The following CACNA2D1 variants were observed in gnomAD, a reference collection of about 807,000 sequenced individuals.
CACNA2D1 encodes the protein calcium voltage-gated channel auxiliary subunit alpha2delta 1.
In CACNA2D1, 53 loss-of-function variants were observed where a neutral mutation model predicts 171.5. That is an observed-to-expected ratio of 0.31 (90% confidence interval 0.25 to 0.39). The LOEUF (loss-of-function observed/expected upper bound fraction) is 0.39. Among genes scored for constraint, CACNA2D1 ranks in the 10% least tolerant of loss-of-function variants. The pLI, the probability that CACNA2D1 is intolerant of heterozygous loss-of-function variation, is 1.00. For missense variants in CACNA2D1, 903 were observed against 1,299.8 expected (o/e 0.69, Z 4.69); for synonymous variants, 442 against 443.1 (o/e 1.00, Z 0.03).
intron 3 of CACNA2D1, among the ~76,000 whole-genome samples, chr7:82,217,860 T>C (rs575007355): frequency 6.9e-6 from 1 of 144,368 alleles, no homozygotes; most frequent in Non-Finnish European, 1.5e-5. Context: ...TGTACTGAAA[T>C]TTTTTTTTTT....
At chr7:81,953,616 C>T (rs1024942933) in intron 38 of CACNA2D1, among the ~76,000 whole-genome samples, 24 of 151,526 alleles carry the variant, frequency 1.6e-4, no homozygotes, top group African/African-American at 5.8e-4. Flanking sequence ...TGGCTAGATA[C>T]ATAGCAACGA....
At chr7:82,310,648 A>G (rs1814339359) in intron 3 of CACNA2D1, among the ~76,000 whole-genome samples, 3 of 152,084 alleles carry the variant, frequency 2.0e-5, no homozygotes, top group Admixed American at 1.3e-4. Context: ...GAAAACTTCA[A>G]AAAAAGGGGA....
At chr7:82,238,361 C>T (rs757583691) in intron 3 of CACNA2D1, among the ~76,000 whole-genome samples, 5 of 151,892 alleles carry the variant, frequency 3.3e-5, no homozygotes, top group Non-Finnish European at 7.4e-5. Flanking sequence ...CATTCGCAAA[C>T]ACATAATGAA....
chr7:82,397,723 T>TA (rs1825891349), intron 1 of CACNA2D1, among the ~76,000 whole-genome samples: 3 of 152,230 alleles, frequency 2.0e-5, no homozygotes, highest in African/African-American at 7.2e-5. Flanking sequence ...ACGAATGTGC[T>TA]AAGCACATAT....
chr7:82,188,668 G>T (rs1249116665), intron 3 of CACNA2D1, among the ~76,000 whole-genome samples: 6 of 151,844 alleles, frequency 4.0e-5, no homozygotes, highest in Admixed American at 3.9e-4. Flanking sequence ...CTGATTTTTG[G>T]GTATATACCC....
At chr7:82,206,429 C>A (rs1380465286) in intron 3 of CACNA2D1, among the ~76,000 whole-genome samples, 1 of 152,056 alleles carries the variant, frequency 6.6e-6, no homozygotes, top group Non-Finnish European at 1.5e-5. Flanking sequence ...TAACAAGTAA[C>A]AACCATGCAT....
intron 9 of CACNA2D1, among the ~76,000 whole-genome samples, chr7:82,063,078 A>G (rs1174058031): frequency 6.6e-6 from 1 of 152,108 alleles, no homozygotes; most frequent in Non-Finnish European, 1.5e-5. Context: ...CTTTGTTTCT[A>G]TGTTACTACA....
intron 3 of CACNA2D1, among the ~76,000 whole-genome samples, chr7:82,273,863 A>G (rs565647845): frequency 6.6e-6 from 1 of 152,182 alleles, no homozygotes; most frequent in African/African-American, 2.4e-5. Flanking sequence ...AATAATATTT[A>G]TACCTGGGTG....
intron 5 of CACNA2D1, among the ~76,000 whole-genome samples, chr7:82,124,048 A>T (rs1321303118): frequency 6.6e-6 from 1 of 152,176 alleles, no homozygotes; most frequent in Admixed American, 6.6e-5. Context: ...AACCAAAGCA[A>T]TTATGGATAC....
intron 4 of CACNA2D1, among the ~76,000 whole-genome samples, chr7:82,164,771 T>C (rs190370450): frequency 1.2e-3 from 179 of 152,120 alleles, no homozygotes; most frequent in African/African-American, 4.2e-3. Context: ...CTTCTTAGAT[T>C]ATGCATTAAA....
intron 1 of CACNA2D1, among the ~76,000 whole-genome samples, chr7:82,436,862 C>A (rs928013695): frequency 2.0e-5 from 3 of 152,114 alleles, no homozygotes; most frequent in Admixed American, 6.6e-5. Context: ...ATTTAACCAT[C>A]CCTTCACATA....
intron 18 of CACNA2D1, among the ~76,000 whole-genome samples, chr7:81,998,097 A>C (rs1798232942): frequency 6.6e-6 from 1 of 151,986 alleles, no homozygotes; most frequent in Non-Finnish European, 1.5e-5. Context: ...TTGCAAAATG[A>C]AGATTCATTG....
At chr7:82,156,904 C>A (rs2367911) in intron 4 of CACNA2D1, among the ~76,000 whole-genome samples, 1 of 151,862 alleles carries the variant, frequency 6.6e-6, no homozygotes, top group Non-Finnish European at 1.5e-5. Flanking sequence ...AGTAAATTTC[C>A]TATCAAACCA....
chr7:82,256,956 T>G (rs1331042533), intron 3 of CACNA2D1, among the ~76,000 whole-genome samples: 7 of 152,280 alleles, frequency 4.6e-5, no homozygotes, highest in Admixed American at 3.3e-4. Context: ...TGTAACTACT[T>G]CACCTAAACT....
intron 34 of CACNA2D1, among the ~76,000 whole-genome samples, chr7:81,963,238 TC>T (rs968664332): frequency 6.6e-6 from 1 of 151,992 alleles, no homozygotes; most frequent in Non-Finnish European, 1.5e-5. Flanking sequence ...AATTTTAAAA[TC>T]TTTTTTGCTG....
intron 3 of CACNA2D1, among the ~76,000 whole-genome samples, chr7:82,250,745 C>T (rs931492328): frequency 2.0e-5 from 3 of 152,080 alleles, no homozygotes; most frequent in African/African-American, 7.2e-5. Context: ...TAAATAATGG[C>T]CCTTTTGTCT....
intron 3 of CACNA2D1, among the ~76,000 whole-genome samples, chr7:82,309,619 C>T (rs1814174604): frequency 6.6e-6 from 1 of 152,094 alleles, no homozygotes; most frequent in South Asian, 2.1e-4. Flanking sequence ...CTGGATTCTT[C>T]CAAATCCCTG....
intron 14 of CACNA2D1, 65 bp from the exon 15 acceptor site, chr7:82,012,308 TAC>T (rs778440863): frequency 1.3e-5 from 11 of 856,280 alleles, no homozygotes; most frequent in Non-Finnish European, 1.8e-5. Context: ...AAATAAAAAT[TAC>T]AGAGAAAAAA....
chr7:82,043,590 A>G (rs902852151), intron 10 of CACNA2D1, among the ~76,000 whole-genome samples: 1 of 152,232 alleles, frequency 6.6e-6, no homozygotes, highest in Non-Finnish European at 1.5e-5. Flanking sequence ...CAGGTACACA[A>G]ATTGAAAGAT....
Sources: gnomAD v4.1 joint callset for allele counts (sites outside exome capture counted in the v4.1 genomes callset) on GRCh38, gnomAD v4.1.1 for gene constraint, MANE v1.5 for transcripts, NCBI Gene and HGNC (gene_info 2026-07-23, HGNC 2026-07-21) for gene names.